CACNA2D4: variants seen among roughly 807,000 people sequenced by gnomAD.
CACNA2D4 encodes calcium voltage-gated channel auxiliary subunit alpha2delta 4, also known as voltage-dependent calcium channel subunit alpha-2/delta-4.
In CACNA2D4, 157 loss-of-function variants were observed where a neutral mutation model predicts 163.8. That is an observed-to-expected ratio of 0.96 (90% confidence interval 0.84 to 1.09). The LOEUF is 1.09. Among genes scored for constraint, CACNA2D4 ranks in the 50% least tolerant of loss-of-function variants. The pLI is 0.00. For missense variants in CACNA2D4, 1,410 were observed against 1,479.9 expected, an observed-to-expected ratio of 0.95 and a Z score of 0.78; for synonymous variants, 598 against 586.9, an observed-to-expected ratio of 1.02 and a Z score of -0.27.
intron 19 of CACNA2D4, among the ~76,000 whole-genome samples, chr12:1,859,318 C>G (rs932834035): frequency 6.6e-6 from 1 of 152,004 alleles, no homozygotes; most frequent in Non-Finnish European, 1.5e-5. Context: ...GTTTGTGCCA[C>G]GGCACTTCAG....
chr12:1,913,212 C>A, intron 2 of CACNA2D4, 73 bp from the exon 3 acceptor site: 1 of 995,612 alleles, frequency 1.0e-6, no homozygotes. Flanking sequence ...GTATGCATGG[C>A]CTCCAACCTC....
chr12:1,830,806 C>T lies in CACNA2D4; in HGVS notation c.2551+9933G>A, dbSNP rs1321998937. 2.4e-5 allele frequency: 17 copies of T among 710,902 alleles called. 1 individual carries two copies. Among genetic ancestry groups the T allele is most frequent in the Middle Eastern group, 4.9e-4 (2 of 4,074 alleles). The allele number at this position is 710,902 out of a possible 1,614,324, so 44.0% of individuals were successfully genotyped here. A position where few individuals can be genotyped will look rare whatever the true frequency, so the allele number is the denominator to read the frequency against. ...TTTATGTGGTTAATAAACGTTTATG[C>T]ATTGATTGTGGCTTGTGCCAAAGGA... On this transcript the variant is annotated intron_variant, in intron 26 of 37. Coordinates refer to ENST00000382722, the MANE Select transcript of CACNA2D4 (RefSeq NM_172364.5).
At chr12:1,889,414 G>T (rs571668150) in intron 6 of CACNA2D4, among the ~76,000 whole-genome samples, 67 of 152,300 alleles carry the variant, frequency 4.4e-4, no homozygotes, top group Admixed American at 8.5e-4. Flanking sequence ...TAGAATGGAA[G>T]TCTAGAATAA....
chr12:1,914,689 T>C (rs1866920237), intron 2 of CACNA2D4, among the ~76,000 whole-genome samples, 165 bp downstream of exon 2: 2 of 152,154 alleles, frequency 1.3e-5, no homozygotes, highest in Admixed American at 1.3e-4. Context: ...CTGCCCTGCT[T>C]TGGGAGTTGA....
chr12:1,801,386 C>T (rs1863320470), intron 30 of CACNA2D4, among the ~76,000 whole-genome samples, 188 bp downstream of exon 30: 1 of 152,206 alleles, frequency 6.6e-6, no homozygotes, highest in African/African-American at 2.4e-5. Flanking sequence ...CCAGGGATGC[C>T]CACATGCCCT....
chr12:1,879,653 T>C (rs1425194754), intron 14 of CACNA2D4, 151 bp downstream of exon 14: 6 of 658,356 alleles, frequency 9.1e-6, no homozygotes, highest in Non-Finnish European at 1.7e-5. Flanking sequence ...GAGTCTGGGG[T>C]AGCTACTCTG....
Position 1,844,577 on chromosome 12 carries a change from T to A in CACNA2D4, c.2343-48A>T. On this transcript the variant is annotated intron_variant, in intron 24 of 37. Coordinates refer to ENST00000382722, the MANE Select transcript of CACNA2D4 (RefSeq NM_172364.5). This position sits in a 1 kb window ranked among gnomAD's most constrained non-coding sequence, Gnocchi z 4.2. ...CCTCTCCCCAGATCTGTGAACACAG[T>A]CATCACTCTTTCCTTTTCTCACACA... 6.3e-7 allele frequency: 1 copy of A among 1,582,966 alleles called. No individual in the cohort carries two copies. The highest frequency in any genetic ancestry group is 2.3e-5 in the East Asian group (1 of 44,298).
rs115600056 is a variant in CACNA2D4 at position 1,816,149 on chromosome 12, C to T, written c.2552-4426G>A. The stretch of plus-strand genomic sequence containing the variant: ...GCTCGTTCAGGTGAGTGGTTACTTG[C>T]GGGGAGGACTGCCCTTCCTCCCATC... On this transcript the variant is annotated intron_variant, in intron 26 of 37. Transcript: ENST00000382722. 6.2e-3 allele frequency among the ~76,000 whole-genome samples: 940 copies of T among 152,270 alleles called. 8 individuals are homozygous for T. The highest frequency in any genetic ancestry group is 0.022 in the African/African-American group (900 of 41,542).
chr12:1,891,326 G>A (rs1866275969), intron 6 of CACNA2D4, among the ~76,000 whole-genome samples: 1 of 152,180 alleles, frequency 6.6e-6, no homozygotes, highest in South Asian at 2.1e-4. Context: ...CACAGACGCT[G>A]TTTATAGCTG....
chr12:1,819,610 G>T (rs998424061), intron 26 of CACNA2D4, among the ~76,000 whole-genome samples: 1 of 152,150 alleles, frequency 6.6e-6, no homozygotes, highest in African/African-American at 2.4e-5. Flanking sequence ...TGGGGCCCTG[G>T]CTCCCCTCTA....
Position 1,844,650 on chromosome 12 carries a change from T to G in CACNA2D4, c.2343-121A>C. The G allele has an allele frequency of 9.8e-7, 1 of 1,016,216 alleles. No individual in the cohort carries two copies. The highest frequency in any genetic ancestry group is 1.4e-6 in the Non-Finnish European group (1 of 693,600). The allele number at this position is 1,016,216 out of a possible 1,614,324, so 62.9% of individuals were successfully genotyped here. A position where few individuals can be genotyped will look rare whatever the true frequency, so the allele number is the denominator to read the frequency against. Reference sequence around the variant, plus strand: ...AGAGTGATTTTAGCCCCTAAATTAGTACGGCCCCAGACAATGCTTCCCAGC... The same window carrying G: ...AGAGTGATTTTAGCCCCTAAATTAGGACGGCCCCAGACAATGCTTCCCAGC... On this transcript the variant is annotated intron_variant, in intron 24 of 37. Transcript: ENST00000382722. The surrounding 1 kb of genome is among the most constrained non-coding windows in gnomAD (Gnocchi z 4.2).
rs879092503 is a variant in CACNA2D4, at chr12:1,797,399, C to T, written c.3113+19G>A. On this transcript the variant is annotated intron_variant, in intron 35 of 37. Coordinates refer to ENST00000382722, the MANE Select transcript of CACNA2D4 (RefSeq NM_172364.5). ...GGGAGGAGTGTGGCGGGACGGGCGG[C>T]GCCGCCCTGCGGTCTTACTTCTGGC... 1.2e-5 allele frequency: 18 copies of T among 1,501,606 alleles called. No individual in the cohort carries two copies. The highest frequency in any genetic ancestry group is 9.6e-5 in the South Asian group (8 of 83,264). 93.0% of individuals were successfully genotyped at this position (1,501,606 alleles called of 1,614,324 possible). A position where few individuals can be genotyped will look rare whatever the true frequency, so the allele number is the denominator to read the frequency against.
intron 18 of CACNA2D4, among the ~76,000 whole-genome samples, chr12:1,873,695 T>C (rs1865830321): frequency 6.6e-6 from 1 of 152,210 alleles, no homozygotes; most frequent in Admixed American, 6.5e-5. Flanking sequence ...TCTGTTCTTT[T>C]GGATCAGGAG....
At position 1,844,300 on chromosome 12, in the gene CACNA2D4, A is replaced by T; in HGVS notation, c.2470+102T>A. 2 of 1,381,994 alleles carry T rather than the reference A, an allele frequency of 1.4e-6. No individual in the cohort carries two copies. Among genetic ancestry groups the T allele is most frequent in the Non-Finnish European group, 2.0e-6 (2 of 1,009,212 alleles). The allele number at this position is 1,381,994 out of a possible 1,614,324, so 85.6% of individuals were successfully genotyped here. Reference sequence around the variant, plus strand: ...GGAACCCTGGTGGTCTGGACATTCTATTCCATATCTCGTTCCCATTTCCCA... The same window carrying T: ...GGAACCCTGGTGGTCTGGACATTCTTTTCCATATCTCGTTCCCATTTCCCA... On this transcript the variant is annotated intron_variant, in intron 25 of 37. Transcript: ENST00000382722. This position sits in a 1 kb window ranked among gnomAD's most constrained non-coding sequence, Gnocchi z 4.2.
chr12:1,821,621 G>T (rs1027270594), intron 26 of CACNA2D4, among the ~76,000 whole-genome samples: 1 of 152,168 alleles, frequency 6.6e-6, no homozygotes, highest in South Asian at 2.1e-4. Context: ...GAGCTTGGGT[G>T]GGGGGTACAC....
At chr12:1,831,722 G>A (rs1328047300) in intron 26 of CACNA2D4, among the ~76,000 whole-genome samples, 1 of 152,058 alleles carries the variant, frequency 6.6e-6, no homozygotes, top group Admixed American at 6.5e-5. Context: ...CTGCCAATGG[G>A]AGAGAGGCTG....
intron 30 of CACNA2D4, 24 bp downstream of exon 30, chr12:1,801,550 T>C (rs750654875): frequency 6.5e-7 from 1 of 1,549,680 alleles, no homozygotes; most frequent in Non-Finnish European, 8.8e-7. Flanking sequence ...CTATTTGGAC[T>C]GGGGAGGAGT....
rs1258127369 is a variant in CACNA2D4 at position 1,844,714 on chromosome 12, G to T, written c.2343-185C>A. ...TCCAGAAACAAAACGATGTCATGTT[G>T]CATCTAGCTAGCAGCTGGAAGAGGC... On this transcript the variant is annotated intron_variant, in intron 24 of 37. Transcript: ENST00000382722. The surrounding 1 kb of genome is among the most constrained non-coding windows in gnomAD (Gnocchi z 4.2). Among the ~76,000 whole-genome samples the T allele has an allele frequency of 1.3e-5, 2 of 152,218 alleles. No individual in the cohort carries two copies. The highest frequency in any genetic ancestry group is 2.9e-5 in the Non-Finnish European group (2 of 68,040).
rs1257327011 is a variant in CACNA2D4, at chr12:1,799,731, G to A, written c.2975-36C>T. 1.1e-5 allele frequency: 17 copies of A among 1,565,222 alleles called. No homozygotes were observed. In the African/African-American group the frequency reaches 1.6e-4, roughly 15 times the overall value. ...CATAAGCCCAGCACAGGGTGGACAC[G>A]GCACAGGAAAACATGGTGGCACATG... On this transcript the variant is annotated intron_variant, in intron 33 of 37. Coordinates refer to ENST00000382722, the MANE Select transcript of CACNA2D4 (RefSeq NM_172364.5). The surrounding 1 kb of genome is among the most constrained non-coding windows in gnomAD (Gnocchi z 4.7).
Sources: allele counts gnomAD v4.1 joint callset (sites outside exome capture counted in the v4.1 genomes callset), GRCh38; gene constraint gnomAD v4.1.1; non-coding constraint Gnocchi (gnomAD v3.1); transcripts MANE v1.5; gene names NCBI Gene and HGNC (gene_info 2026-07-23, HGNC 2026-07-21).